KLHL7: variants seen among roughly 807,000 people sequenced by gnomAD.
KLHL7 encodes kelch-like protein 7.
KLHL7 carries 44 observed loss-of-function variants against 67.4 expected under a neutral mutation model. That is an observed-to-expected ratio of 0.65 (90% CI 0.51 to 0.84). The LOEUF (loss-of-function observed/expected upper bound fraction) is 0.84. KLHL7 is among the 40% of genes least tolerant of loss of function. The pLI is 0.00. For synonymous variants in KLHL7, 252 were observed against 243.3 expected, an observed-to-expected ratio of 1.04 and a Z score of -0.33; for missense variants, 362 against 718.1, an observed-to-expected ratio of 0.50 and a Z score of 5.67.
At chr7:23,113,813 C>T (rs897071596) in intron 1 of KLHL7, among the ~76,000 whole-genome samples, 8 of 152,034 alleles carry the variant, frequency 5.3e-5, no homozygotes, top group African/African-American at 7.2e-5. Flanking sequence ...GCAACAAGAG[C>T]GAAACTCTGT....
chr7:23,117,491 A>T (rs540063680), intron 1 of KLHL7, among the ~76,000 whole-genome samples: 4 of 152,280 alleles, frequency 2.6e-5, no homozygotes, highest in African/African-American at 9.6e-5. Context: ...CCAGCTCTTA[A>T]AGGGCAATTA....
chr7:23,124,826 C>G, intron 3 of KLHL7, 45 bp downstream of exon 3: 1 of 1,304,486 alleles, frequency 7.7e-7, no homozygotes, highest in Non-Finnish European at 1.1e-6. Flanking sequence ...ATGTTGGTAT[C>G]TACCATGGCA....
At chr7:23,168,927 C>T (rs1046961278) in intron 9 of KLHL7, among the ~76,000 whole-genome samples, 3 of 152,128 alleles carry the variant, frequency 2.0e-5, no homozygotes, top group South Asian at 2.1e-4. Flanking sequence ...AACTACAAAA[C>T]ATGGAAGTCT....
At chr7:23,128,024 A>G (rs1444148252) in intron 4 of KLHL7, among the ~76,000 whole-genome samples, 1 of 143,060 alleles carries the variant, frequency 7.0e-6, no homozygotes, top group Admixed American at 7.0e-5. Context: ...AAGCTACTCC[A>G]GAGGCTGAAG....
chr7:23,133,900 G>C (rs28816817), intron 4 of KLHL7, among the ~76,000 whole-genome samples: 3,493 of 152,218 alleles, frequency 0.023, 147 homozygotes, highest in African/African-American at 0.079. Context: ...TGCAAACAAG[G>C]ATAATTTTAT....
At chr7:23,155,414 G>A (rs766436180) in intron 7 of KLHL7, among the ~76,000 whole-genome samples, 2 of 152,084 alleles carry the variant, frequency 1.3e-5, no homozygotes, top group Non-Finnish European at 2.9e-5. Context: ...TGTAATCCCA[G>A]TACTTTGGGA....
intron 5 of KLHL7, among the ~76,000 whole-genome samples, chr7:23,142,548 C>T (rs746345692): frequency 2.6e-5 from 4 of 152,008 alleles, no homozygotes; most frequent in Non-Finnish European, 4.4e-5. Flanking sequence ...ACTGGAGAAA[C>T]GTTATAAACA....
intron 1 of KLHL7, chr7:23,117,750 C>T: frequency 8.0e-7 from 1 of 1,255,950 alleles, no homozygotes. Flanking sequence ...TTTATTATTG[C>T]TTTATTGAAG....
intron 7 of KLHL7, among the ~76,000 whole-genome samples, chr7:23,157,947 A>G (rs1487397575): frequency 6.6e-6 from 1 of 152,100 alleles, no homozygotes; most frequent in Non-Finnish European, 1.5e-5. Flanking sequence ...GAAAATGGGA[A>G]TGTTATCTCC....
chr7:23,169,089 C>T (rs946383370), intron 9 of KLHL7, among the ~76,000 whole-genome samples: 1 of 151,834 alleles, frequency 6.6e-6, no homozygotes, highest in African/African-American at 2.4e-5. Context: ...GGCAAAATCC[C>T]GTCTCTACTA....
chr7:23,108,302 T>C (rs948589308), intron 1 of KLHL7, among the ~76,000 whole-genome samples: 1 of 152,222 alleles, frequency 6.6e-6, no homozygotes, highest in Non-Finnish European at 1.5e-5. Flanking sequence ...TGTAGTATAG[T>C]GGCCGATTCT....
At chr7:23,154,803 A>G (rs1425419899) in intron 7 of KLHL7, among the ~76,000 whole-genome samples, 1 of 152,234 alleles carries the variant, frequency 6.6e-6, no homozygotes. Context: ...TGTTAGCTAT[A>G]TGGCAAGTTT....
At chr7:23,146,445 T>A (rs534085828) in intron 6 of KLHL7, among the ~76,000 whole-genome samples, 1 of 152,284 alleles carries the variant, frequency 6.6e-6, no homozygotes, top group African/African-American at 2.4e-5. Context: ...TCTTGTTTCT[T>A]TGTTGTTTGG....
rs370151272 is a variant in KLHL7 at position 23,157,940 on chromosome 7, A to T, written c.936+5731A>T. 5.3e-5 allele frequency among the ~76,000 whole-genome samples: 8 copies of T among 152,148 alleles called. No homozygotes were observed. The East Asian group carries it at 1.3e-3, about 26-fold the overall frequency. On this transcript the variant is annotated intron_variant, in intron 7 of 10. Transcript: ENST00000339077. ...GCTGTAAATGGGAAGAAATGAGGAAAATGGGAATGTTATCTCCGTGAAGTT... is the reference window on the plus strand; with the variant it reads ...GCTGTAAATGGGAAGAAATGAGGAATATGGGAATGTTATCTCCGTGAAGTT...
chr7:23,128,422 TAAAAAAAAAA>T lies in KLHL7; in HGVS notation c.442+3270_442+3279del, dbSNP rs201757686. Among the ~76,000 whole-genome samples the T allele has an allele frequency of 2.9e-3, 334 of 116,930 alleles. 2 individuals are homozygous for T. Among genetic ancestry groups the T allele is most frequent in the African/African-American group, 8.1e-3 (276 of 34,150 alleles). The allele number at this position is 116,930 out of a possible 152,430, so 76.7% of individuals were successfully genotyped here. A position where few individuals can be genotyped will look rare whatever the true frequency, so the allele number is the denominator to read the frequency against. On this transcript the variant is annotated intron_variant, in intron 4 of 10. Transcript: ENST00000339077. ...AATAAGACTACGACTTCTTTGGGTT[TAAAAAAAAAA>T]AAAAAAAAAAAAAAAAAAAGAACTT...
chr7:23,109,641 TTCTGTATTCTCATCTG>T (rs1391285386), intron 1 of KLHL7, among the ~76,000 whole-genome samples: 1 of 152,216 alleles, frequency 6.6e-6, no homozygotes, highest in Non-Finnish European at 1.5e-5. Context: ...ATGACTTTGC[TTCTGTATTCTCATCTG>T]TCTGACTGTA....
intron 5 of KLHL7, among the ~76,000 whole-genome samples, chr7:23,142,663 A>G (rs1784227256): frequency 6.6e-6 from 1 of 152,190 alleles, no homozygotes; most frequent in Non-Finnish European, 1.5e-5. Flanking sequence ...GTCCTCCTAA[A>G]AAACCATAAC....
At chr7:23,128,725 A>G (rs890447381) in intron 4 of KLHL7, among the ~76,000 whole-genome samples, 2 of 151,904 alleles carry the variant, frequency 1.3e-5, no homozygotes, top group African/African-American at 4.8e-5. Context: ...AGAAACTCCC[A>G]CACCCACTAG....
intron 4 of KLHL7, among the ~76,000 whole-genome samples, chr7:23,140,476 G>A (rs983228220): frequency 6.6e-6 from 1 of 152,200 alleles, no homozygotes; most frequent in Non-Finnish European, 1.5e-5. Context: ...AGAATAGCGT[G>A]AAGCTGGGAG....
Sources: allele counts gnomAD v4.1 joint callset (sites outside exome capture counted in the v4.1 genomes callset), GRCh38; gene constraint gnomAD v4.1.1; transcripts MANE v1.5; gene names NCBI Gene and HGNC (gene_info 2026-07-23, HGNC 2026-07-21).